Variants in ALG9 observed in about 807,000 individuals in gnomAD.
ALG9 encodes the protein alpha-1,2-mannosyltransferase ALG9.
A neutral mutation model predicts 81.8 loss-of-function variants in ALG9; 55 were observed. That is an observed-to-expected ratio of 0.67 (90% CI 0.54 to 0.84). ALG9 has a LOEUF of 0.84. Among genes scored for constraint, ALG9 ranks in the 40% least tolerant of loss-of-function variants. ALG9 has a pLI of 0.00. For synonymous variants in ALG9, 278 were observed against 274.3 expected (o/e 1.01, Z -0.13); for missense variants, 629 against 745.0 (o/e 0.84, Z 1.81).
At chr11:111,869,389 T>C (rs981855228) in intron 2 of ALG9, among the ~76,000 whole-genome samples, 1 of 152,070 alleles carries the variant, frequency 6.6e-6, no homozygotes, top group African/African-American at 2.4e-5. Context: ...AATGTGTAAA[T>C]CAATAAATAG....
rs955964788 is a variant in ALG9 at position 111,853,209 on chromosome 11, G to A, written c.895+171C>T. ...ACATTAATCAAGGAGAAATATTTGA[G>A]TGGCTACGTGTCATCATTGTGCTAT... On this transcript the variant is annotated intron_variant, in intron 8 of 14. Coordinates refer to ENST00000616540, the MANE Select transcript of ALG9 (RefSeq NM_024740.2). Among the ~76,000 whole-genome samples the A allele has an allele frequency of 1.3e-5, 2 of 152,134 alleles. 1 individual carries two copies. Among genetic ancestry groups the A allele is most frequent in the South Asian group, 4.1e-4 (2 of 4,822 alleles).
intron 13 of ALG9, among the ~76,000 whole-genome samples, chr11:111,818,632 A>G (rs1951871972): frequency 6.6e-6 from 1 of 152,216 alleles, no homozygotes; most frequent in Admixed American, 6.5e-5. Context: ...CCTAAATTAC[A>G]TGCTCTTATA....
chr11:111,817,719 G>A (rs1302139454), intron 13 of ALG9, among the ~76,000 whole-genome samples: 1 of 151,106 alleles, frequency 6.6e-6, no homozygotes, highest in African/African-American at 2.4e-5. Flanking sequence ...ATCACCTTCT[G>A]ATATTTCTAT....
At position 111,840,692 on chromosome 11, in the gene ALG9, A is replaced by G. The variant is rs369262620; in HGVS notation, c.1136T>C (p.Ile379Thr). ...GAGAGCCACAGCGCCACAGAGACAT[A>G]TAAGTGGATACACAGGGAAAAGAAA... is the stretch of plus-strand genomic sequence containing the variant. ...ERFLFPVYPL[I>T]CLCGAVALSA... Residue 379 changes from isoleucine to threonine, a missense_variant, in exon 10 of 15, where the codon ATA becomes ACA. Ile to Thr is a moderately conservative substitution (Grantham distance 89, BLOSUM62 -1). This residue lies in a region of ALG9 where 264 missense variants were observed against 302.2 expected (regional missense o/e 0.87). Transcript: ENST00000616540. 2.5e-6 allele frequency: 4 copies of G among 1,614,048 alleles called. No individual in the cohort carries two copies. The highest frequency in any genetic ancestry group is 2.2e-5 in the East Asian group (1 of 44,882).
At chr11:111,862,454 G>A (rs368796717) in intron 4 of ALG9, among the ~76,000 whole-genome samples, 5 of 151,512 alleles carry the variant, frequency 3.3e-5, no homozygotes, top group Admixed American at 6.6e-5. Flanking sequence ...GGCTGGTTTC[G>A]AACTCCTGAC....
intron 14 of ALG9, among the ~76,000 whole-genome samples, chr11:111,789,320 T>C (rs1330906335): frequency 5.9e-5 from 9 of 152,056 alleles, no homozygotes; most frequent in Admixed American, 5.2e-4. Context: ...GGCATGATCA[T>C]AGTTCACTGC....
At chr11:111,834,632 C>A (rs880001156) in intron 13 of ALG9, among the ~76,000 whole-genome samples, 1 of 152,190 alleles carries the variant, frequency 6.6e-6, no homozygotes, top group Non-Finnish European at 1.5e-5. Flanking sequence ...CTACTCAACT[C>A]CAAAGTCCAC....
intron 13 of ALG9, among the ~76,000 whole-genome samples, chr11:111,822,797 C>A (rs1296084568): frequency 6.6e-6 from 1 of 152,032 alleles, no homozygotes; most frequent in Non-Finnish European, 1.5e-5. Flanking sequence ...CTGAGGTGGG[C>A]AGATCACCTG....
At chr11:111,827,532 C>A (rs540672307) in intron 13 of ALG9, among the ~76,000 whole-genome samples, 82 of 152,190 alleles carry the variant, frequency 5.4e-4, no homozygotes, top group Non-Finnish European at 9.6e-4. Flanking sequence ...CTGAATCAAC[C>A]AACGAATGAA....
intron 13 of ALG9, among the ~76,000 whole-genome samples, chr11:111,820,465 A>T (rs868974681): frequency 8.6e-5 from 13 of 151,974 alleles, no homozygotes; most frequent in Non-Finnish European, 1.9e-4. Context: ...CAAGGCACTG[A>T]CTCTCGAGAT....
intron 8 of ALG9, among the ~76,000 whole-genome samples, chr11:111,850,806 A>G (rs1209512739): frequency 1.3e-5 from 2 of 152,024 alleles, no homozygotes; most frequent in Admixed American, 6.6e-5. Context: ...ACAACTGCCT[A>G]AAGTCTGGCT....
intron 14 of ALG9, among the ~76,000 whole-genome samples, chr11:111,793,544 A>T (rs1363114908): frequency 6.6e-6 from 1 of 151,840 alleles, no homozygotes; most frequent in Non-Finnish European, 1.5e-5. Context: ...GGCGGATCAC[A>T]AGGTCAGGAG....
chr11:111,831,350 T>C (rs895349726), intron 13 of ALG9, among the ~76,000 whole-genome samples: 20 of 152,078 alleles, frequency 1.3e-4, no homozygotes, highest in South Asian at 6.2e-4. Context: ...TAATTCTCCA[T>C]AGAGACAGGG....
intron 13 of ALG9, among the ~76,000 whole-genome samples, chr11:111,827,792 GGGA>G (rs1393829315): frequency 6.6e-6 from 1 of 151,602 alleles, no homozygotes; most frequent in African/African-American, 2.4e-5. Flanking sequence ...CCTTGAACCA[GGGA>G]GGTGGAGGTT....
In ALG9 at chr11:111,825,489, A is replaced by G. The variant is rs186057555; in HGVS notation, c.1602+10676T>C. ...TCCCCTAAATATTCAATGTTATTTC[A>G]TACTTCAGGCCTTTGCAAAAGCTGT... On this transcript the variant is annotated intron_variant, in intron 13 of 14. Coordinates refer to ENST00000616540, the MANE Select transcript of ALG9 (RefSeq NM_024740.2). Among the ~76,000 whole-genome samples, 11 of 152,320 alleles carry G rather than the reference A, an allele frequency of 7.2e-5. No individual in the cohort carries two copies. The East Asian group carries it at 2.1e-3, about 29-fold the overall frequency.
intron 14 of ALG9, among the ~76,000 whole-genome samples, chr11:111,797,371 A>T (rs1326742323): frequency 1.3e-5 from 2 of 152,262 alleles, no homozygotes; most frequent in African/African-American, 4.8e-5. Flanking sequence ...TGACAGCCCC[A>T]GCTGAGATCT....
intron 14 of ALG9, among the ~76,000 whole-genome samples, chr11:111,792,649 C>T (rs1555071492): frequency 1.3e-5 from 2 of 152,152 alleles, no homozygotes; most frequent in African/African-American, 4.8e-5. Flanking sequence ...TAATCAATCA[C>T]AAGAAATTCA....
At chr11:111,811,542 CAA>C (rs11305937) in intron 13 of ALG9, among the ~76,000 whole-genome samples, 1,270 of 88,996 alleles carry the variant, frequency 0.014, 23 homozygotes, top group African/African-American at 0.045. Flanking sequence ...GACTCTGTCT[CAA>C]AAAAAAAAAA....
intron 13 of ALG9, among the ~76,000 whole-genome samples, chr11:111,827,975 G>A (rs939779666): frequency 6.6e-6 from 1 of 151,654 alleles, no homozygotes; most frequent in African/African-American, 2.4e-5. Context: ...ATTGCCTGAC[G>A]TCAGGCGTTT....
Sources: gnomAD v4.1 joint callset for allele counts (sites outside exome capture counted in the v4.1 genomes callset) on GRCh38, gnomAD v4.1.1 for gene constraint, gnomAD v4.1.1 regional missense constraint, MANE v1.5 for transcripts, NCBI Gene and HGNC (gene_info 2026-07-23, HGNC 2026-07-21) for gene names.